Variants in SBF2 observed in about 807,000 individuals in gnomAD.
SBF2 encodes SET binding factor 2.
Under a neutral mutation model 225.2 loss-of-function variants are expected in SBF2, and 112 were observed. The observed-to-expected ratio is 0.50, with a 90% CI of 0.43 to 0.58. The LOEUF (loss-of-function observed/expected upper bound fraction) is 0.58, where lower values mean the gene tolerates loss of function less well. SBF2 is among the 20% of genes least tolerant of loss of function. The probability of loss-of-function intolerance (pLI) is 0.00; values close to 1 mark genes in which losing one functional copy is unlikely to be tolerated. For missense variants in SBF2, 1,996 were observed against 2,206.2 expected (o/e 0.90, Z 1.91); for synonymous variants, 763 against 773.3 (o/e 0.99, Z 0.22).
intron 31 of SBF2, chr11:9,808,440 T>C (rs1853975760): frequency 5.5e-6 from 3 of 540,792 alleles, no homozygotes. Flanking sequence ...GCCAGTTTGC[T>C]GACAGCAACC....
intron 3 of SBF2, among the ~76,000 whole-genome samples, chr11:10,036,260 A>C (rs1949433088): frequency 6.6e-6 from 1 of 152,082 alleles, no homozygotes; most frequent in Non-Finnish European, 1.5e-5. Flanking sequence ...GGGGCCTGTC[A>C]GTGGGTAGTG....
intron 2 of SBF2, among the ~76,000 whole-genome samples, chr11:10,049,579 C>T (rs937045875): frequency 6.6e-6 from 1 of 151,902 alleles, no homozygotes; most frequent in Non-Finnish European, 1.5e-5. Flanking sequence ...TGCACTCCAG[C>T]CTGGGCAACA....
chr11:9,802,425 T>A (rs898474404), intron 32 of SBF2, among the ~76,000 whole-genome samples: 1 of 152,258 alleles, frequency 6.6e-6, no homozygotes, highest in Non-Finnish European at 1.5e-5. Context: ...CTTCATCTGT[T>A]TTCTTGTAAC....
chr11:10,283,182 A>G (rs1474025499), intron 1 of SBF2, among the ~76,000 whole-genome samples: 1 of 152,186 alleles, frequency 6.6e-6, no homozygotes, highest in Non-Finnish European at 1.5e-5. Flanking sequence ...TAGGTTAGGG[A>G]TAGAGTTTTA....
chr11:9,824,683 T>C (rs926707801), intron 28 of SBF2, among the ~76,000 whole-genome samples: 1 of 151,926 alleles, frequency 6.6e-6, no homozygotes, highest in Admixed American at 6.5e-5. Flanking sequence ...CCTGGCCAAA[T>C]GTTGGAATGG....
chr11:9,992,859 CCA>C (rs1947499380), intron 11 of SBF2, 129 bp downstream of exon 11: 1 of 670,636 alleles, frequency 1.5e-6, no homozygotes, highest in African/African-American at 1.8e-5. Flanking sequence ...TGATATCTAA[CCA>C]CACAGAGATT....
intron 1 of SBF2, among the ~76,000 whole-genome samples, chr11:10,233,105 T>C (rs1171443726): frequency 6.6e-6 from 1 of 152,216 alleles, no homozygotes; most frequent in Non-Finnish European, 1.5e-5. Flanking sequence ...ATTAGCCACA[T>C]ACGAAGACCT....
chr11:10,052,353 T>G (rs1950094693), intron 2 of SBF2, among the ~76,000 whole-genome samples: 1 of 152,178 alleles, frequency 6.6e-6, no homozygotes, highest in East Asian at 1.9e-4. Flanking sequence ...GACTTGTTTT[T>G]GACAACTCCC....
chr11:10,170,396 G>A (rs1232413382), intron 2 of SBF2, among the ~76,000 whole-genome samples: 1 of 152,002 alleles, frequency 6.6e-6, no homozygotes, highest in Non-Finnish European at 1.5e-5. Flanking sequence ...CTTTTCTCCA[G>A]TGTATGTTCT....
At chr11:10,105,520 A>G (rs1952508520) in intron 2 of SBF2, among the ~76,000 whole-genome samples, 1 of 152,248 alleles carries the variant, frequency 6.6e-6, no homozygotes, top group Admixed American at 6.5e-5. Context: ...CAATGTAAAC[A>G]TGGTATCACT....
chr11:10,137,175 T>C (rs546810042), intron 2 of SBF2, among the ~76,000 whole-genome samples: 1 of 152,354 alleles, frequency 6.6e-6, no homozygotes, highest in East Asian at 1.9e-4. Flanking sequence ...TAAATTACAC[T>C]GTATTTTAAA....
chr11:10,118,191 T>G (rs187287370), intron 2 of SBF2, among the ~76,000 whole-genome samples: 139 of 152,312 alleles, frequency 9.1e-4, no homozygotes, highest in African/African-American at 3.3e-3. Context: ...CATTAGACAA[T>G]TTAAACATCA....
chr11:9,795,767 G>A (rs943628964), intron 33 of SBF2, 64 bp downstream of exon 33: 5 of 1,563,436 alleles, frequency 3.2e-6, no homozygotes, highest in Admixed American at 3.3e-5. Flanking sequence ...TACATTATTA[G>A]AATTTTCATT....
At chr11:9,963,613 T>G (rs2134368722) in intron 15 of SBF2, among the ~76,000 whole-genome samples, 160 bp downstream of exon 15, 1 of 152,356 alleles carries the variant, frequency 6.6e-6, no homozygotes, top group South Asian at 2.1e-4. Context: ...CCAACAGCTT[T>G]AAATCTTAGA....
chr11:9,969,344 A>T (rs960220866), intron 13 of SBF2, among the ~76,000 whole-genome samples: 2 of 152,168 alleles, frequency 1.3e-5, no homozygotes, highest in African/African-American at 4.8e-5. Flanking sequence ...CCTTCATTCA[A>T]CACTGCAGAC....
At chr11:10,226,325 T>A (rs1958542310) in intron 1 of SBF2, among the ~76,000 whole-genome samples, 1 of 152,166 alleles carries the variant, frequency 6.6e-6, no homozygotes, top group South Asian at 2.1e-4. Flanking sequence ...CATGTATTTT[T>A]TTCTTAATTT....
chr11:10,090,961 A>G (rs529414311), intron 2 of SBF2, among the ~76,000 whole-genome samples: 2 of 152,208 alleles, frequency 1.3e-5, no homozygotes, highest in African/African-American at 4.8e-5. Flanking sequence ...TAATATTGCA[A>G]TTCTCACACA....
chr11:9,845,859 T>C (rs916547007), intron 23 of SBF2, 119 bp from the exon 24 acceptor site: 1 of 858,012 alleles, frequency 1.2e-6, no homozygotes, highest in Non-Finnish European at 1.9e-6. Context: ...GGACTTTGGA[T>C]AACATGCAAT....
At chr11:9,787,106 G>A (rs1365763341) in intron 36 of SBF2, among the ~76,000 whole-genome samples, 1 of 152,154 alleles carries the variant, frequency 6.6e-6, no homozygotes, top group Non-Finnish European at 1.5e-5. Context: ...ATGTTGGCCA[G>A]GATGGTCTCG....
Sources: allele counts gnomAD v4.1 joint callset (sites outside exome capture counted in the v4.1 genomes callset), GRCh38; gene constraint gnomAD v4.1.1; transcripts MANE v1.5; gene names NCBI Gene and HGNC (gene_info 2026-07-23, HGNC 2026-07-21).